RANBP2: variants seen among roughly 807,000 people sequenced by gnomAD.
RANBP2 encodes the protein RAN binding protein 2, also known as E3 SUMO-protein ligase RanBP2.
RANBP2 carries 57 observed loss-of-function variants against 303.6 expected under a neutral mutation model. The ratio of observed to expected loss-of-function variants is 0.19; its 90% CI spans 0.15 to 0.23. The LOEUF (loss-of-function observed/expected upper bound fraction) is 0.23. RANBP2 is among the 10% of genes least tolerant of loss of function. The pLI is 1.00. For synonymous variants in RANBP2, 1,167 were observed against 1,301.5 expected (o/e 0.90, Z 2.23); for missense variants, 3,138 against 3,780.8 (o/e 0.83, Z 4.46).
chr2:108,854,830 G>A, the RANBP2 span, among the ~76,000 whole-genome samples: 1 of 152,168 alleles, frequency 6.6e-6, no homozygotes, highest in Non-Finnish European at 1.5e-5. Flanking sequence ...CATTTTATTG[G>A]TTAAGTTACA....
At chr2:109,077,430 G>A in the RANBP2 span, among the ~76,000 whole-genome samples, 5 of 150,396 alleles carry the variant, frequency 3.3e-5, no homozygotes, top group Non-Finnish European at 7.4e-5. Context: ...AACACCAAAT[G>A]CACAAGCAAC....
chr2:109,449,393 C>A, the RANBP2 span: 1 of 1,612,818 alleles, frequency 6.2e-7, no homozygotes, highest in Non-Finnish European at 8.5e-7. Flanking sequence ...GTGCCGCAAA[C>A]CTCAACGGGG....
chr2:108,868,522 C>A, the RANBP2 span, among the ~76,000 whole-genome samples: 1 of 152,196 alleles, frequency 6.6e-6, no homozygotes, highest in Non-Finnish European at 1.5e-5. Context: ...TTCTACCTCA[C>A]CTGTCTCTCT....
At chr2:109,416,234 C>A in the RANBP2 span, among the ~76,000 whole-genome samples, 2 of 152,134 alleles carry the variant, frequency 1.3e-5, no homozygotes, top group Admixed American at 1.3e-4. Context: ...CCACGCCCAG[C>A]CCAGGTTGGG....
chr2:109,017,088 T>C, the RANBP2 span, among the ~76,000 whole-genome samples: 1 of 152,240 alleles, frequency 6.6e-6, no homozygotes, highest in Non-Finnish European at 1.5e-5. Context: ...GTTTCCTCAA[T>C]GTTTTTCTAT....
chr2:109,547,671 A>C, the RANBP2 span, among the ~76,000 whole-genome samples: 6 of 152,168 alleles, frequency 3.9e-5, no homozygotes, highest in Non-Finnish European at 8.8e-5. Flanking sequence ...GGATCATAGA[A>C]GGCATATTTC....
chr2:109,446,262 T>C, the RANBP2 span, among the ~76,000 whole-genome samples: 21 of 152,256 alleles, frequency 1.4e-4, no homozygotes, highest in Non-Finnish European at 3.1e-4. Flanking sequence ...GGAAGTGACA[T>C]GGCTGGGGTT....
the RANBP2 span, among the ~76,000 whole-genome samples, chr2:109,201,910 T>G: frequency 6.6e-6 from 1 of 152,134 alleles, no homozygotes; most frequent in Admixed American, 6.5e-5. Context: ...ACATCTGAAA[T>G]CAATACAAGG....
At position 108,763,821 on chromosome 2, in the gene RANBP2, G is replaced by A; in HGVS notation, c.3282G>A (p.Gly1094=). The A allele has an allele frequency of 6.2e-7, 1 of 1,614,040 alleles. No homozygotes were observed. Among genetic ancestry groups the A allele is most frequent in the Non-Finnish European group, 8.5e-7 (1 of 1,179,992 alleles). The change falls in exon 20 of 29, where the codon GGG becomes GGA. Residue 1094 remains glycine (G), a synonymous_variant. Coordinates refer to ENST00000283195, the MANE Select transcript of RANBP2 (RefSeq NM_006267.5). ...CAATTCCTGGTGGTCAAACCATTGG[G>A]CCTCGAAATACATTCAATTTTGGAA... ...AKPIPGGQTI[G]PRNTFNFGSK...
chr2:109,054,040 T>C, the RANBP2 span, among the ~76,000 whole-genome samples: 1 of 152,158 alleles, frequency 6.6e-6, no homozygotes, highest in Non-Finnish European at 1.5e-5. Flanking sequence ...GAGGCCACTG[T>C]ACTACCTGGG....
At chr2:108,832,287 A>G in the RANBP2 span, among the ~76,000 whole-genome samples, 1 of 151,262 alleles carries the variant, frequency 6.6e-6, no homozygotes, top group Admixed American at 6.6e-5. Flanking sequence ...TCAGCCTCCC[A>G]AAGTGCTGAG....
the RANBP2 span, among the ~76,000 whole-genome samples, chr2:108,843,486 C>CT: frequency 6.6e-6 from 1 of 152,174 alleles, no homozygotes; most frequent in African/African-American, 2.4e-5. Context: ...GACACAAACT[C>CT]TTAGTTTTTC....
At chr2:109,282,690 C>G in the RANBP2 span, among the ~76,000 whole-genome samples, 1 of 152,216 alleles carries the variant, frequency 6.6e-6, no homozygotes, top group Non-Finnish European at 1.5e-5. Flanking sequence ...GTGGGTCTGG[C>G]TGGTCATTTT....
At chr2:108,842,744 CAG>C in the RANBP2 span, among the ~76,000 whole-genome samples, 1 of 152,080 alleles carries the variant, frequency 6.6e-6, no homozygotes, top group South Asian at 2.1e-4. Flanking sequence ...AAACTGGAAA[CAG>C]TGTTAAAAGT....
At chr2:109,536,055 G>C in the RANBP2 span, among the ~76,000 whole-genome samples, 23 of 133,084 alleles carry the variant, frequency 1.7e-4, 1 homozygote, top group African/African-American at 5.5e-4. Context: ...GTGGGGGTGG[G>C]GGGGGGGTCT....
the RANBP2 span, among the ~76,000 whole-genome samples, chr2:109,238,805 C>G: frequency 7.2e-5 from 11 of 152,096 alleles, no homozygotes; most frequent in African/African-American, 2.7e-4. Flanking sequence ...TGATGAAACC[C>G]GGCGAGGTGT....
At chr2:109,375,323 C>G in the RANBP2 span, among the ~76,000 whole-genome samples, 1 of 152,224 alleles carries the variant, frequency 6.6e-6, no homozygotes, top group African/African-American at 2.4e-5. Context: ...AACTCTCCTG[C>G]GGCCGTCCCC....
chr2:109,142,691 C>T, the RANBP2 span, among the ~76,000 whole-genome samples: 21 of 152,260 alleles, frequency 1.4e-4, no homozygotes, highest in East Asian at 1.7e-3. Flanking sequence ...GTCAACTGAG[C>T]GGAGCATGGG....
chr2:109,398,622 G>T, the RANBP2 span: 1 of 1,588,848 alleles, frequency 6.3e-7, no homozygotes, highest in Admixed American at 1.8e-5. Context: ...TCATTGAGAT[G>T]GACAAGCCAT....
Sources: allele counts gnomAD v4.1 joint callset (sites outside exome capture counted in the v4.1 genomes callset), GRCh38; gene constraint gnomAD v4.1.1; transcripts MANE v1.5; gene names NCBI Gene and HGNC (gene_info 2026-07-23, HGNC 2026-07-21).